Variants in GRSF1 observed in about 807,000 individuals in gnomAD.
GRSF1 encodes G-rich sequence factor 1.
Under a neutral mutation model 51.1 loss-of-function variants are expected in GRSF1, and 50 were observed. The observed-to-expected ratio is 0.98, with a 90% confidence interval of 0.78 to 1.24. The LOEUF (loss-of-function observed/expected upper bound fraction) is 1.24. Ranked by LOEUF, GRSF1 falls within the 50% of genes most tolerant of loss-of-function variation. The probability of loss-of-function intolerance (pLI) is 0.00; values close to 1 mark genes in which losing one functional copy is unlikely to be tolerated. For missense variants in GRSF1, 700 were observed against 639.7 expected, an observed-to-expected ratio of 1.09 and a Z score of -1.02; for synonymous variants, 293 against 253.3, an observed-to-expected ratio of 1.16 and a Z score of -1.49.
At chr4:70,840,018 C>A (rs564059191), upstream of GRSF1, 1,284 of 518,946 alleles carry the variant, frequency 2.5e-3, 17 homozygotes, top group African/African-American at 0.024. Context: ...CGCCCTTGGG[C>A]GGGGCTGCCC....
At chr4:70,842,144 G>A (rs1036682579), upstream of GRSF1, among the ~76,000 whole-genome samples, 3 of 152,220 alleles carry the variant, frequency 2.0e-5, no homozygotes, top group Non-Finnish European at 4.4e-5. Context: ...TTTGGGGTGA[G>A]AGCAGGTGCT....
chr4:70,831,127 G>A (rs952710447), intron 5 of GRSF1, among the ~76,000 whole-genome samples: 33 of 152,086 alleles, frequency 2.2e-4, no homozygotes, highest in African/African-American at 6.8e-4. Flanking sequence ...GGAGGCCGAG[G>A]CGGGCGGATC....
intron 8 of GRSF1, 53 bp downstream of exon 8, chr4:70,825,243 G>C: frequency 6.2e-6 from 9 of 1,461,830 alleles, no homozygotes; most frequent in Non-Finnish European, 8.4e-6. Flanking sequence ...AAAGATATTT[G>C]TAAGCAAAGA....
chr4:70,830,944 A>G (rs533849284), intron 5 of GRSF1, among the ~76,000 whole-genome samples: 12 of 152,344 alleles, frequency 7.9e-5, no homozygotes, highest in Admixed American at 7.8e-4. Flanking sequence ...AAATTTTTTT[A>G]AAAGATGCAT....
intron 1 of GRSF1, among the ~76,000 whole-genome samples, chr4:70,838,110 T>C (rs1734292070): frequency 6.8e-6 from 1 of 147,024 alleles, no homozygotes; most frequent in South Asian, 2.2e-4. Context: ...TCCCAGCTAC[T>C]CGGGAGGCTG....
chr4:70,824,222 G>A (rs1257421318), intron 9 of GRSF1, 72 bp downstream of exon 9: 2 of 680,818 alleles, frequency 2.9e-6, no homozygotes, highest in African/African-American at 3.6e-5. Flanking sequence ...CGCCCACCTT[G>A]GCCTCCCAAA....
rs1733299085 is a variant in GRSF1 at position 70,816,120 on chromosome 4, G to A, written c.*4767C>T. 6.6e-6 allele frequency: 1 copy of A among 152,106 alleles called. No individual in the cohort carries two copies. The highest frequency in any genetic ancestry group is 6.6e-5 in the Admixed American group (1 of 15,260). The allele number at this position is 152,106 out of a possible 1,614,324, so 9.4% of individuals were successfully genotyped here. A position where few individuals can be genotyped will look rare whatever the true frequency, so the allele number is the denominator to read the frequency against. The stretch of plus-strand genomic sequence containing the variant: ...GAGAGAGAGGTGCAGGAATTGACTA[G>A]GTGAAAAAATTCAGATGTAATACAG... On this transcript the variant is annotated 3_prime_UTR_variant, in exon 10 of 10. Transcript: ENST00000254799.
intron 3 of GRSF1, 116 bp downstream of exon 3, chr4:70,833,002 A>G: frequency 1.1e-6 from 1 of 889,452 alleles, no homozygotes; most frequent in Non-Finnish European, 1.7e-6. Context: ...CATCCTATAA[A>G]AGAATGCATT....
At chr4:70,830,275 C>T (rs114598670) in intron 5 of GRSF1, among the ~76,000 whole-genome samples, 1,608 of 152,108 alleles carry the variant, frequency 0.011, 25 homozygotes, top group African/African-American at 0.037. Flanking sequence ...CACACACGCA[C>T]GCACGCACAC....
Position 70,839,547 on chromosome 4 carries a change from T to A in GRSF1, c.281A>T (p.Tyr94Phe), listed in dbSNP as rs1223956070. Residue 94 changes from tyrosine (Y) to phenylalanine (F), a missense_variant, in exon 1 of 10, where the codon TAC becomes TTC. Coordinates refer to ENST00000254799, the MANE Select transcript of GRSF1 (RefSeq NM_002092.4). ...TSAAAAAAAS[Y>F]SALRASLLPQ... The stretch of plus-strand genomic sequence containing the variant: ...CAGCAGAGAGGCACGGAGGGCAGAG[T>A]AGGACGCGGCGGCCGCGGCCGCGGC... 2.8e-6 allele frequency: 4 copies of A among 1,426,792 alleles called. No individual in the cohort carries two copies. The African/African-American group carries it at 4.5e-5, about 16-fold the overall frequency. 88.4% of individuals were successfully genotyped at this position (1,426,792 alleles called of 1,614,324 possible). A position where few individuals can be genotyped will look rare whatever the true frequency, so the allele number is the denominator to read the frequency against.
At position 70,839,858 on chromosome 4, in the gene GRSF1, C is replaced by T. The variant is rs759350349; in HGVS notation, c.-31G>A. ...CCGGAGGCGGCGCAGGGCCTGAAGG[C>T]AGCTGCTCCAGCAGCGATGGTGGAA... On this transcript the variant is annotated 5_prime_UTR_variant, in exon 1 of 10. Transcript: ENST00000254799. 70 of 1,453,040 alleles carry T rather than the reference C, an allele frequency of 4.8e-5. No homozygotes were observed. Among genetic ancestry groups the T allele is most frequent in the East Asian group, 5.9e-5 (2 of 34,122 alleles). 90.0% of individuals were successfully genotyped at this position (1,453,040 alleles called of 1,614,324 possible). A position where few individuals can be genotyped will look rare whatever the true frequency, so the allele number is the denominator to read the frequency against.
intron 2 of GRSF1, among the ~76,000 whole-genome samples, chr4:70,835,522 T>A (rs1343959888): frequency 6.9e-6 from 1 of 144,310 alleles, no homozygotes; most frequent in Non-Finnish European, 1.5e-5. Flanking sequence ...AGTGGCACCA[T>A]CTCGGCTCAC....
In GRSF1 at chr4:70,833,155, C is replaced by T; in HGVS notation, c.633G>A (p.Glu211=). 6.2e-7 allele frequency: 1 copy of T among 1,613,976 alleles called. No individual in the cohort carries two copies. The change falls in exon 3 of 10, where the codon GAG becomes GAA. Residue 211 remains glutamate (E), a synonymous_variant. Coordinates refer to ENST00000254799, the MANE Select transcript of GRSF1 (RefSeq NM_002092.4). The stretch of plus-strand genomic sequence containing the variant: ...GCTGGCCCATGTACATGCGGTGCTT[C>T]TCTAAGGCTTTCTGCACATCCTGCT... The part of the protein sequence containing the change: ...ESEQDVQKAL[E]KHRMYMGQRY...
Position 70,827,851 on chromosome 4 carries a change from C to T in GRSF1, c.1135+1G>A. The T allele has an allele frequency of 6.2e-7, 1 of 1,601,780 alleles. No homozygotes were observed. Among genetic ancestry groups the T allele is most frequent in the Non-Finnish European group, 8.5e-7 (1 of 1,170,714 alleles). On this transcript the variant is annotated splice_donor_variant, in intron 6 of 9. Transcript: ENST00000254799. LOFTEE classifies it high-confidence loss of function. The stretch of plus-strand genomic sequence containing the variant: ...AGTCTCAAGAAGAGGCAGGACCTTA[C>T]CTATTTCCTTCTCACTTTCAAAAGC...
chr4:70,823,825 G>A (rs1285558496), intron 9 of GRSF1, among the ~76,000 whole-genome samples: 2 of 151,838 alleles, frequency 1.3e-5, no homozygotes, highest in African/African-American at 2.4e-5. Flanking sequence ...AGCTATGATC[G>A]CACCACTGCT....
At chr4:70,833,041 G>T in intron 3 of GRSF1, 77 bp downstream of exon 3, 1 of 1,227,308 alleles carries the variant, frequency 8.1e-7, no homozygotes, top group Admixed American at 2.2e-5. Context: ...CATTATTAAG[G>T]ATCAAATAAA....
At chr4:70,826,077 A>G (rs1452957152) in intron 7 of GRSF1, 47 bp downstream of exon 7, 1 of 1,527,402 alleles carries the variant, frequency 6.5e-7, no homozygotes, top group African/African-American at 1.4e-5. Context: ...TCAATTTTAG[A>G]ACTTTTGTTC....
chr4:70,827,963 C>T lies in GRSF1; in HGVS notation c.1024G>A (p.Ala342Thr), dbSNP rs759765732. ...HVGSYKGKKI[A>T]SFPTAKYITE... ...ATATACTTAGCAGTAGGAAAAGATG[C>T]GATTTTCTTTCCCTTATAAGAACCG... The change falls in exon 6 of 10, where the codon GCA becomes ACA. Residue 342 changes from alanine to threonine, a missense_variant. Physicochemically the swap from Ala to Thr is moderately conservative, Grantham distance 58 (BLOSUM62 0). Transcript: ENST00000254799. 1.2e-5 allele frequency: 19 copies of T among 1,611,468 alleles called. No homozygotes were observed. The highest frequency in any genetic ancestry group is 5.0e-5 in the Admixed American group (3 of 59,938).
At position 70,836,613 on chromosome 4, in the gene GRSF1, C is replaced by G. The variant is rs528106673; in HGVS notation, c.358-299G>C. ...TAGTTAAGGCAACACAAGAAAGGTC[C>G]TGACAATTTGACAAATATTTGATTG... On this transcript the variant is annotated intron_variant, in intron 1 of 9. Coordinates refer to ENST00000254799, the MANE Select transcript of GRSF1 (RefSeq NM_002092.4). Among the ~76,000 whole-genome samples, 4 of 152,206 alleles carry G rather than the reference C, an allele frequency of 2.6e-5. No homozygotes were observed. The East Asian group carries it at 7.7e-4, about 29-fold the overall frequency.
Sources: gnomAD v4.1 joint callset for allele counts (sites outside exome capture counted in the v4.1 genomes callset) on GRCh38, gnomAD v4.1.1 for gene constraint, MANE v1.5 for transcripts, NCBI Gene and HGNC (gene_info 2026-07-23, HGNC 2026-07-21) for gene names.